The following NGFR variants were observed in gnomAD, a reference collection of about 807,000 sequenced individuals.
NGFR encodes tumor necrosis factor receptor superfamily member 16.
NGFR carries 30 observed loss-of-function variants against 43.2 expected under a neutral mutation model. The ratio of observed to expected loss-of-function variants is 0.69; its 90% CI spans 0.52 to 0.94. NGFR has a LOEUF of 0.94. Among genes scored for constraint, NGFR ranks in the 40% least tolerant of loss-of-function variants. The probability of loss-of-function intolerance (pLI) is 0.00; values close to 1 mark genes in which losing one functional copy is unlikely to be tolerated. For synonymous variants in NGFR, 246 were observed against 259.6 expected (o/e 0.95, Z 0.50); for missense variants, 529 against 602.5 (o/e 0.88, Z 1.28).
intron 3 of NGFR, among the ~76,000 whole-genome samples, chr17:49,507,695 C>G (rs1411366075): frequency 6.6e-6 from 1 of 152,182 alleles, no homozygotes; most frequent in Non-Finnish European, 1.5e-5. Flanking sequence ...TGGCCATGCA[C>G]ACATTGAGCT....
At chr17:49,504,920 C>A (rs1314369311) in intron 2 of NGFR, among the ~76,000 whole-genome samples, 1 of 151,916 alleles carries the variant, frequency 6.6e-6, no homozygotes, top group African/African-American at 2.4e-5. Context: ...TACAGACGTG[C>A]ACCACTACAC....
In NGFR at chr17:49,512,836, G is replaced by A. The variant is rs1184219372; in HGVS notation, c.1111G>A (p.Glu371Lys). The A allele has an allele frequency of 5.0e-6, 8 of 1,613,350 alleles. No homozygotes were observed. The highest frequency in any genetic ancestry group is 2.2e-5 in the South Asian group (2 of 91,080). The change falls in exon 6 of 6, where the codon GAG becomes AAG. Residue 371 changes from glutamate (E) to lysine (K), a missense_variant. Transcript: ENST00000172229. The surrounding 1 kb of genome is among the most constrained non-coding windows in gnomAD (Gnocchi z 5.2). ...GGCGGGCGAGCTGGGCTACCAGCCC[G>A]AGCACATAGACTCCTTTACCCATGA... ...HLAGELGYQP[E>K]HIDSFTHEAC...
chr17:49,495,413 G>C lies in NGFR; in HGVS notation c.-5G>C. ...GAAGTCGAGCGCTGCCGCGGGAGGC[G>C]GGCGATGGGGGCAGGTGCCACCGGC... On this transcript the variant is annotated 5_prime_UTR_variant, in exon 1 of 6. Transcript: ENST00000172229. This position sits in a 1 kb window ranked among gnomAD's most constrained non-coding sequence, Gnocchi z 6.4. 1 of 1,234,668 alleles carries C rather than the reference G, an allele frequency of 8.1e-7. No homozygotes were observed. The highest frequency in any genetic ancestry group is 4.1e-5 in the South Asian group (1 of 24,440). 76.5% of individuals were successfully genotyped at this position (1,234,668 alleles called of 1,614,324 possible).
chr17:49,506,695 C>CGGGGGGG, intron 3 of NGFR, 37 bp downstream of exon 3: 1 of 107,840 alleles, frequency 9.3e-6, no homozygotes. Context: ...AGTGGGGGTG[C>CGGGGGGG]GGGGGTGGGC....
chr17:49,502,000 A>ACGGCCCCCCCCCCC, intron 1 of NGFR, 63 bp from the exon 2 acceptor site: 1 of 264,886 alleles, frequency 3.8e-6, no homozygotes, highest in East Asian at 8.6e-5. Flanking sequence ...CCCCGGAAGA[A>ACGGCCCCCCCCCCC]CCCCCCCCAA....
At position 49,513,376 on chromosome 17, in the gene NGFR, G is replaced by T; in HGVS notation, c.*367G>T. 4.0e-6 allele frequency: 1 copy of T among 249,882 alleles called. No individual in the cohort carries two copies. Among genetic ancestry groups the T allele is most frequent in the Non-Finnish European group, 7.7e-6 (1 of 129,052 alleles). The allele number at this position is 249,882 out of a possible 1,614,324, so 15.5% of individuals were successfully genotyped here. On this transcript the variant is annotated 3_prime_UTR_variant, in exon 6 of 6. Coordinates refer to ENST00000172229, the MANE Select transcript of NGFR (RefSeq NM_002507.4). Reference sequence around the variant, plus strand: ...GCCAACACCAGGGATGGTACTAGGGGGAAGTGACAAGGCCCCAGAGACTCA... The same window carrying T: ...GCCAACACCAGGGATGGTACTAGGGTGAAGTGACAAGGCCCCAGAGACTCA...
Position 49,512,988 on chromosome 17 carries a change from C to A in NGFR, c.1263C>A (p.Ser421=). 1.3e-6 allele frequency: 2 copies of A among 1,584,894 alleles called. No homozygotes were observed. The highest frequency in any genetic ancestry group is 1.1e-5 in the South Asian group (1 of 88,220). ...TCGTGGAGAGTCTGTGCAGTGAGTC[C>A]ACTGCCACATCCCCGGTGTGAGCCC... is the stretch of plus-strand genomic sequence containing the variant. ...ADLVESLCSE[S]TATSPV Residue 421 remains serine (S), a synonymous_variant, in exon 6 of 6, where the codon TCC becomes TCA. Coordinates refer to ENST00000172229, the MANE Select transcript of NGFR (RefSeq NM_002507.4). This position sits in a 1 kb window ranked among gnomAD's most constrained non-coding sequence, Gnocchi z 5.2.
At chr17:49,510,783 C>A in intron 4 of NGFR, 119 bp downstream of exon 4, 2 of 1,300,870 alleles carry the variant, frequency 1.5e-6, no homozygotes, top group Non-Finnish European at 1.1e-6. Flanking sequence ...CCAAGCTCAT[C>A]CTCACTCATC....
At chr17:49,508,336 G>A (rs973590871) in intron 3 of NGFR, among the ~76,000 whole-genome samples, 19 of 152,178 alleles carry the variant, frequency 1.2e-4, no homozygotes, top group African/African-American at 4.6e-4. Context: ...GTCTTTTGGG[G>A]CATTCACAGA....
intron 3 of NGFR, among the ~76,000 whole-genome samples, chr17:49,507,755 C>T (rs1235066724): frequency 1.3e-5 from 2 of 148,272 alleles, no homozygotes; most frequent in African/African-American, 2.5e-5. Flanking sequence ...TTACCCTGAG[C>T]AGGCAATATA....
chr17:49,508,230 A>G (rs2071211028), intron 3 of NGFR, among the ~76,000 whole-genome samples: 1 of 152,222 alleles, frequency 6.6e-6, no homozygotes, highest in African/African-American at 2.4e-5. Context: ...TCATTTCTGT[A>G]GGCAAGTCCA....
intron 1 of NGFR, among the ~76,000 whole-genome samples, chr17:49,500,630 A>G (rs2071162350): frequency 6.6e-6 from 1 of 152,190 alleles, no homozygotes; most frequent in Admixed American, 6.5e-5. Context: ...GCCCTTCTGG[A>G]ATCTTGCCTC....
chr17:49,506,623 G>T lies in NGFR; in HGVS notation c.533G>T (p.Arg178Leu), dbSNP rs746803750. Residue 178 changes from arginine (R) to leucine (L), a missense_variant, in exon 3 of 6, where the codon CGC (arginine) becomes CTC (leucine). By Grantham distance (102) the Arg-to-Leu change is moderately radical. Transcript: ENST00000172229. ...TGCGAGGACACCGAGCGCCAGCTCC[G>T]CGAGTGCACACGCTGGGCCGACGCC... ...TVCEDTERQL[R>L]ECTRWADAEC... The T allele has an allele frequency of 1.2e-5, 19 of 1,592,100 alleles. No individual in the cohort carries two copies. The Admixed American group carries it at 3.1e-4, about 26-fold the overall frequency.
intron 3 of NGFR, among the ~76,000 whole-genome samples, chr17:49,507,139 A>T (rs2071204629): frequency 1.3e-5 from 2 of 152,096 alleles, no homozygotes; most frequent in Non-Finnish European, 1.5e-5. Flanking sequence ...GCCCTGGTCT[A>T]GGTCCATGGT....
intron 2 of NGFR, among the ~76,000 whole-genome samples, chr17:49,504,445 C>T (rs2071184460): frequency 5.3e-5 from 8 of 152,240 alleles, no homozygotes; most frequent in Admixed American, 5.2e-4. Flanking sequence ...CTCTCCACCC[C>T]CATGGGGCCC....
At chr17:49,505,370 C>T (rs951104582) in intron 2 of NGFR, among the ~76,000 whole-genome samples, 61 of 152,146 alleles carry the variant, frequency 4.0e-4, no homozygotes, top group African/African-American at 1.4e-3. Flanking sequence ...GCACAGAGTT[C>T]CCCACCCAAA....
In NGFR at chr17:49,513,272, T is replaced by C. The variant is rs2071247261; in HGVS notation, c.*263T>C. On this transcript the variant is annotated 3_prime_UTR_variant, in exon 6 of 6. Coordinates refer to ENST00000172229, the MANE Select transcript of NGFR (RefSeq NM_002507.4). ...CAACCCTGCCCCTGCCCCGTCACCA[T>C]CTCAGGCCACCTGCCCCCTTCTCCC... 1 of 479,838 alleles carries C rather than the reference T, an allele frequency of 2.1e-6. No homozygotes were observed. 29.7% of individuals were successfully genotyped at this position (479,838 alleles called of 1,614,324 possible).
At chr17:49,497,379 G>A (rs1026795190) in intron 1 of NGFR, 3 of 152,492 alleles carry the variant, frequency 2.0e-5, no homozygotes, top group African/African-American at 7.2e-5. Flanking sequence ...GCTCAGACGC[G>A]GGTGGGCGAG....
intron 2 of NGFR, among the ~76,000 whole-genome samples, chr17:49,502,817 T>TTCCC (rs1161961627): frequency 3.4e-5 from 3 of 88,840 alleles, no homozygotes; most frequent in East Asian, 4.7e-4. Flanking sequence ...CTGGGATTTC[T>TTCCC]TCCTTCCTTC....
Sources: gnomAD v4.1 joint callset for allele counts (sites outside exome capture counted in the v4.1 genomes callset) on GRCh38, gnomAD v4.1.1 for gene constraint, Gnocchi (gnomAD v3.1) non-coding constraint, MANE v1.5 for transcripts, NCBI Gene and HGNC (gene_info 2026-07-23, HGNC 2026-07-21) for gene names.